Variants in MR1 observed in about 807,000 individuals in gnomAD.
MR1 encodes the protein major histocompatibility complex, class I-related.
Under a neutral mutation model 37.8 loss-of-function variants are expected in MR1, and 44 were observed. The observed-to-expected ratio is 1.16, with a 90% CI of 0.91 to 1.50. The LOEUF is 1.50. Ranked by LOEUF, MR1 falls within the 40% of genes most tolerant of loss-of-function variation. The probability of loss-of-function intolerance (pLI) is 0.00; values close to 1 mark genes in which losing one functional copy is unlikely to be tolerated. For missense variants in MR1, 386 were observed against 419.1 expected, an observed-to-expected ratio of 0.92 and a Z score of 0.69; for synonymous variants, 153 against 155.8, an observed-to-expected ratio of 0.98 and a Z score of 0.13.
intron 1 of MR1, among the ~76,000 whole-genome samples, chr1:181,047,061 T>C (rs1323895318): frequency 1.3e-5 from 2 of 152,014 alleles, no homozygotes; most frequent in South Asian, 2.1e-4. Context: ...AACCCACCAA[T>C]TGCGGACACA....
chr1:181,055,130 G>A, intron 5 of MR1, 95 bp from the exon 6 acceptor site: 2 of 1,112,660 alleles, frequency 1.8e-6, no homozygotes, highest in South Asian at 2.6e-5. Flanking sequence ...AACTGTCGAT[G>A]CCTGTTTCTC....
chr1:181,046,663 G>C lies in MR1; in HGVS notation c.68-2389G>C, dbSNP rs1271528633. ...GCTGCCCGAGCCAGCAGTGGCAACC[G>C]TCTCGGGTCCGCTTCCACACTGTGG... is the stretch of plus-strand genomic sequence containing the variant. On this transcript the variant is annotated intron_variant, in intron 1 of 5. Transcript: ENST00000367580. Among the ~76,000 whole-genome samples, 6 of 152,104 alleles carry C rather than the reference G, an allele frequency of 3.9e-5. No individual in the cohort carries two copies. In the East Asian group the frequency reaches 1.2e-3, roughly 29 times the overall value.
At chr1:181,039,025 G>C (rs1306187569) in intron 1 of MR1, among the ~76,000 whole-genome samples, 1 of 151,970 alleles carries the variant, frequency 6.6e-6, no homozygotes, top group Non-Finnish European at 1.5e-5. Context: ...GGCTGGTCTT[G>C]AACTCCTGAC....
chr1:181,050,585 T>C (rs1204635647), intron 3 of MR1: 3 of 389,410 alleles, frequency 7.7e-6, no homozygotes, highest in Admixed American at 7.5e-5. Context: ...GGGAAATTCT[T>C]TGGGAGATAG....
At chr1:181,052,803 A>C (rs952556076) in intron 4 of MR1, among the ~76,000 whole-genome samples, 4 of 152,276 alleles carry the variant, frequency 2.6e-5, no homozygotes, top group Non-Finnish European at 4.4e-5. Flanking sequence ...GCAGTGGCTC[A>C]TGCCTGTAAT....
intron 4 of MR1, 37 bp from the exon 5 acceptor site, chr1:181,053,536 G>A (rs1658438617): frequency 6.7e-7 from 1 of 1,483,274 alleles, no homozygotes; most frequent in Non-Finnish European, 9.4e-7. Context: ...GAAGGGAAAG[G>A]GGACTTGTGG....
At chr1:181,035,504 A>C (rs1199914640) in intron 1 of MR1, among the ~76,000 whole-genome samples, 2 of 152,156 alleles carry the variant, frequency 1.3e-5, no homozygotes, top group African/African-American at 4.8e-5. Context: ...GGGTGAGGGT[A>C]AGAGGCAGAA....
At chr1:181,048,986 G>A in intron 1 of MR1, 66 bp from the exon 2 acceptor site, 6 of 1,562,926 alleles carry the variant, frequency 3.8e-6, no homozygotes, top group Admixed American at 1.8e-5. Context: ...GGGGCTAAAT[G>A]AATGCAGTTG....
intron 5 of MR1, 72 bp downstream of exon 5, chr1:181,053,749 C>A: frequency 9.1e-7 from 1 of 1,103,016 alleles, no homozygotes; most frequent in Non-Finnish European, 1.4e-6. Flanking sequence ...TTTTCTGCAC[C>A]TGCTGCTCCC....
At chr1:181,053,477 T>C in intron 4 of MR1, 96 bp from the exon 5 acceptor site, 1 of 832,330 alleles carries the variant, frequency 1.2e-6, no homozygotes, top group Admixed American at 2.0e-5. Context: ...GAAAATGGTG[T>C]TGGGTTTCCT....
rs1658897142 is a variant in MR1 at position 181,061,488 on chromosome 1, T to C, written c.*6223T>C. 1 of 152,084 alleles carries C rather than the reference T, an allele frequency of 6.6e-6. No individual in the cohort carries two copies. The highest frequency in any genetic ancestry group is 2.4e-5 in the African/African-American group (1 of 41,398). 9.4% of individuals were successfully genotyped at this position (152,084 alleles called of 1,614,324 possible). ...TGGGCTGCACACCAGAATGAATGAA[T>C]TGAATTGAAAGGGAGGAGTGATGGT... On this transcript the variant is annotated 3_prime_UTR_variant, in exon 6 of 6. Coordinates refer to ENST00000367580, the MANE Select transcript of MR1 (RefSeq NM_001385161.1).
chr1:181,044,103 A>G (rs1362176118), intron 1 of MR1, among the ~76,000 whole-genome samples: 1 of 151,672 alleles, frequency 6.6e-6, no homozygotes, highest in Non-Finnish European at 1.5e-5. Context: ...AGCTGGGACT[A>G]CAGGTGCCTG....
At chr1:181,054,265 C>A (rs1193182518) in intron 5 of MR1, among the ~76,000 whole-genome samples, 1 of 152,090 alleles carries the variant, frequency 6.6e-6, no homozygotes, top group African/African-American at 2.4e-5. Context: ...CATTAATGAC[C>A]TACTGTGCTC....
Position 181,058,151 on chromosome 1 carries a change from T to C in MR1, c.*2886T>C, listed in dbSNP as rs1176470521. On this transcript the variant is annotated 3_prime_UTR_variant, in exon 6 of 6. Transcript: ENST00000367580. ...TTACTTCATGGTTGTTGAGTACAGA[T>C]GCTCAGTAATCATAACCTATGAAAT... The C allele has an allele frequency of 6.6e-6, 1 of 152,258 alleles. No individual in the cohort carries two copies. Among genetic ancestry groups the C allele is most frequent in the Non-Finnish European group, 1.5e-5 (1 of 68,040 alleles). 9.4% of individuals were successfully genotyped at this position (152,258 alleles called of 1,614,324 possible). A position where few individuals can be genotyped will look rare whatever the true frequency, so the allele number is the denominator to read the frequency against.
chr1:181,039,569 T>C (rs1312615879), intron 1 of MR1, among the ~76,000 whole-genome samples: 1 of 152,068 alleles, frequency 6.6e-6, no homozygotes, highest in Non-Finnish European at 1.5e-5. Flanking sequence ...ACTAAATAAA[T>C]AATTGCCCCC....
At position 181,061,445 on chromosome 1, in the gene MR1, T is replaced by A. The variant is rs1658895516; in HGVS notation, c.*6180T>A. On this transcript the variant is annotated 3_prime_UTR_variant, in exon 6 of 6. Coordinates refer to ENST00000367580, the MANE Select transcript of MR1 (RefSeq NM_001385161.1). ...CTACATGGTGGCTCTGGTCATATCA[T>A]TAGAAAATAGACAGAAATGGGCTGC... 6.6e-6 allele frequency: 1 copy of A among 152,124 alleles called. No homozygotes were observed. The highest frequency in any genetic ancestry group is 1.5e-5 in the Non-Finnish European group (1 of 68,034). The allele number at this position is 152,124 out of a possible 1,614,324, so 9.4% of individuals were successfully genotyped here.
At chr1:181,052,104 A>G in intron 3 of MR1, 131 bp from the exon 4 acceptor site, 2 of 1,008,742 alleles carry the variant, frequency 2.0e-6, no homozygotes, top group East Asian at 5.1e-5. Context: ...GATGAACCTG[A>G]GTTCTGGGTC....
At chr1:181,053,811 G>T (rs1658461076) in intron 5 of MR1, 134 bp downstream of exon 5, 5 of 649,620 alleles carry the variant, frequency 7.7e-6, no homozygotes, top group Non-Finnish European at 1.4e-5. Flanking sequence ...AGAAGGACCT[G>T]GGACAACCCT....
In MR1 at chr1:181,052,245, G is replaced by A. The variant is rs1658360461; in HGVS notation, c.615G>A (p.Leu205=). ...GCTTCTTCTTCCTAGAGCCCCCACTGGTCAGAGTAAATCGCAAAGAAACTT... is the reference window on the plus strand; with the variant it reads ...GCTTCTTCTTCCTAGAGCCCCCACTAGTCAGAGTAAATCGCAAAGAAACTT... ...KDTLQRTEPP[L]VRVNRKETFP... The change falls in exon 4 of 6, where the codon CTG becomes CTA. Residue 205 remains leucine, a synonymous_variant. Coordinates refer to ENST00000367580, the MANE Select transcript of MR1 (RefSeq NM_001385161.1). The A allele has an allele frequency of 6.2e-7, 1 of 1,613,934 alleles. No individual in the cohort carries two copies. Among genetic ancestry groups the A allele is most frequent in the Non-Finnish European group, 8.5e-7 (1 of 1,179,904 alleles).
Sources: allele counts gnomAD v4.1 joint callset (sites outside exome capture counted in the v4.1 genomes callset), GRCh38; gene constraint gnomAD v4.1.1; transcripts MANE v1.5; gene names NCBI Gene and HGNC (gene_info 2026-07-23, HGNC 2026-07-21).